Variants in ETFBKMT observed in about 807,000 individuals in gnomAD.
The protein encoded by ETFBKMT is electron transfer flavoprotein subunit beta lysine methyltransferase, also known as electron transfer flavoprotein beta subunit lysine methyltransferase.
A neutral mutation model predicts 18.3 loss-of-function variants in ETFBKMT; 13 were observed. The observed-to-expected ratio is 0.71, with a 90% CI of 0.46 to 1.13. ETFBKMT has a LOEUF of 1.13. Among genes scored for constraint, ETFBKMT ranks in the 50% most tolerant of loss-of-function variants. The pLI is 0.00. For missense variants in ETFBKMT, 293 were observed against 306.2 expected (o/e 0.96, Z 0.32); for synonymous variants, 84 against 107.9 (o/e 0.78, Z 1.37).
In ETFBKMT at chr12:31,669,599, G is replaced by A. The variant is rs971112157; in HGVS notation, c.*1609G>A. 5.9e-5 allele frequency: 9 copies of A among 152,210 alleles called. No individual in the cohort carries two copies. The highest frequency in any genetic ancestry group is 5.9e-4 in the Admixed American group (9 of 15,282). The allele number at this position is 152,210 out of a possible 1,614,324, so 9.4% of individuals were successfully genotyped here. On this transcript the variant is annotated 3_prime_UTR_variant, in exon 4 of 4. Transcript: ENST00000357721. ...GATTTTTCTCTGATCCTCACCCTGA[G>A]AACCTGGTAGGTATCCTGGAGGTAA...
upstream of ETFBKMT, among the ~76,000 whole-genome samples, chr12:31,657,791 CAAAAAA>C (rs777612236): frequency 6.5e-5 from 3 of 46,332 alleles, no homozygotes; most frequent in Non-Finnish European, 1.3e-4. Flanking sequence ...GACTTCATCT[CAAAAAA>C]AAAAAAAAAA....
chr12:31,652,255 T>G (rs760649812), intron 1 of ETFBKMT, among the ~76,000 whole-genome samples: 8 of 152,064 alleles, frequency 5.3e-5, no homozygotes, highest in African/African-American at 9.7e-5. Context: ...CTCTTTCCCT[T>G]CTCTTCTGCC....
In ETFBKMT at chr12:31,671,187, A is replaced by G. The variant is rs1032645254; in HGVS notation, c.*3197A>G. The stretch of plus-strand genomic sequence containing the variant: ...AAATTTTATTGAATTTGTCTTTAGA[A>G]AAATTTCATAGTTAGAACAGGCCTT... On this transcript the variant is annotated 3_prime_UTR_variant, in exon 4 of 4. Coordinates refer to ENST00000357721, the MANE Select transcript of ETFBKMT (RefSeq NM_001135863.2). The G allele has an allele frequency of 1.3e-5, 2 of 152,214 alleles. No individual in the cohort carries two copies. The highest frequency in any genetic ancestry group is 4.8e-5 in the African/African-American group (2 of 41,462). 9.4% of individuals were successfully genotyped at this position (152,214 alleles called of 1,614,324 possible).
rs1951256056 is a variant in ETFBKMT at position 31,670,832 on chromosome 12, A to G, written c.*2842A>G. The G allele has an allele frequency of 6.6e-6, 1 of 152,200 alleles. No individual in the cohort carries two copies. The highest frequency in any genetic ancestry group is 2.4e-5 in the African/African-American group (1 of 41,456). The allele number at this position is 152,200 out of a possible 1,614,324, so 9.4% of individuals were successfully genotyped here. On this transcript the variant is annotated 3_prime_UTR_variant, in exon 4 of 4. Transcript: ENST00000357721. ...GGATACAGCAATGAAAAAAAAAGAT[A>G]AATACTTTGTCCTTATGAAATTTGT...
intron 1 of ETFBKMT, among the ~76,000 whole-genome samples, chr12:31,652,154 T>C (rs1050795901): frequency 6.6e-6 from 1 of 152,174 alleles, no homozygotes; most frequent in Non-Finnish European, 1.5e-5. Context: ...TCAGACACCG[T>C]CTCCTCAGAC....
chr12:31,661,910 T>A lies in ETFBKMT; in HGVS notation c.-44T>A, dbSNP rs866709574. 1 of 1,568,466 alleles carries A rather than the reference T, an allele frequency of 6.4e-7. No individual in the cohort carries two copies. The highest frequency in any genetic ancestry group is 1.8e-5 in the Admixed American group (1 of 56,912). On this transcript the variant is annotated 5_prime_UTR_variant, in exon 2 of 4. Coordinates refer to ENST00000357721, the MANE Select transcript of ETFBKMT (RefSeq NM_001135863.2). The stretch of plus-strand genomic sequence containing the variant: ...TTCATTCTCCTTGAGAAGCAGCTAT[T>A]ATCAACAGAACATTGACAGAACCTG...
At chr12:31,663,170 G>A (rs1237555023) in intron 2 of ETFBKMT, among the ~76,000 whole-genome samples, 2 of 151,436 alleles carry the variant, frequency 1.3e-5, no homozygotes, top group African/African-American at 4.9e-5. Flanking sequence ...TCGGCTCACT[G>A]CAAGCCCCGC....
chr12:31,661,971 T>C lies in ETFBKMT; in HGVS notation c.18T>C (p.Gly6=). 6.2e-7 allele frequency: 1 copy of C among 1,613,914 alleles called. No homozygotes were observed. Among genetic ancestry groups the C allele is most frequent in the Non-Finnish European group, 8.5e-7 (1 of 1,179,908 alleles). The part of the protein sequence containing the change: MALSL[G]WKAHRNHCGL... ...AAGGACTGATGGCTTTGAGTCTAGG[T>C]TGGAAAGCACACAGGAACCACTGTG... Residue 6 remains glycine (G), a synonymous_variant, in exon 2 of 4, where the codon GGT becomes GGC. Coordinates refer to ENST00000357721, the MANE Select transcript of ETFBKMT (RefSeq NM_001135863.2).
At chr12:31,658,954 G>A (rs1451803169), upstream of ETFBKMT, among the ~76,000 whole-genome samples, 1 of 143,614 alleles carries the variant, frequency 7.0e-6, no homozygotes, top group Non-Finnish European at 1.5e-5. Context: ...TTAAATATAC[G>A]GTGTCTATTT....
chr12:31,663,260 T>G (rs1300558513), intron 2 of ETFBKMT, among the ~76,000 whole-genome samples: 2 of 152,056 alleles, frequency 1.3e-5, no homozygotes, highest in Non-Finnish European at 2.9e-5. Flanking sequence ...GCCCGGCTAA[T>G]TTTTGTATTT....
chr12:31,647,359 C>G (rs771478853), intron 1 of ETFBKMT: 1 of 152,274 alleles, frequency 6.6e-6, no homozygotes, highest in Admixed American at 6.5e-5. Context: ...TTCTCATTAC[C>G]GAGTCTACGT....
chr12:31,649,476 G>A lies in ETFBKMT; in HGVS notation c.-114+2221G>A, dbSNP rs565142026. Among the ~76,000 whole-genome samples, 268 of 152,144 alleles carry A rather than the reference G, an allele frequency of 1.8e-3. 1 individual carries two copies. The highest frequency in any genetic ancestry group is 5.9e-3 in the African/African-American group (244 of 41,516). On this transcript the variant is annotated intron_variant, in intron 1 of 3. Transcript: ENST00000412352. ...ATATTGTGAATTTTACAAATTGAAC[G>A]TTTGTGGTACCCCTGTGTCGGGCTA...
At chr12:31,655,095 T>TA (rs34577716), upstream of ETFBKMT, among the ~76,000 whole-genome samples, 28,639 of 131,892 alleles carry the variant, frequency 0.22, 2,956 homozygotes, top group African/African-American at 0.27. Context: ...AACAAAAAGA[T>TA]AAAAAAAAAA....
chr12:31,660,204 G>A (rs539557584), intron 1 of ETFBKMT: 1 of 146,028 alleles, frequency 6.8e-6, no homozygotes, highest in East Asian at 2.0e-4. Context: ...AAGCTAATGT[G>A]TCAATATCTA....
chr12:31,655,519 T>G (rs11051514), upstream of ETFBKMT, among the ~76,000 whole-genome samples: 9,091 of 152,256 alleles, frequency 0.06, 539 homozygotes, highest in East Asian at 0.27. Context: ...ACTGTGTCAA[T>G]TATAAGCCTT....
chr12:31,662,808 C>T (rs537544630), intron 2 of ETFBKMT, among the ~76,000 whole-genome samples: 3 of 152,216 alleles, frequency 2.0e-5, no homozygotes, highest in South Asian at 2.1e-4. Flanking sequence ...TAGTTCATAG[C>T]GCATGACCAT....
At chr12:31,657,576 G>A (rs936606732), upstream of ETFBKMT, among the ~76,000 whole-genome samples, 3 of 151,964 alleles carry the variant, frequency 2.0e-5, no homozygotes, top group Non-Finnish European at 4.4e-5. Context: ...GGCGGATCAC[G>A]AGGTCAAAAG....
upstream of ETFBKMT, among the ~76,000 whole-genome samples, chr12:31,655,028 C>T (rs796538879): frequency 2.6e-4 from 40 of 151,214 alleles, no homozygotes; most frequent in African/African-American, 9.0e-4. Flanking sequence ...TGCACTCCAG[C>T]CTGGGCGACA....
At chr12:31,655,245 G>T (rs1331466944), upstream of ETFBKMT, among the ~76,000 whole-genome samples, 1 of 152,066 alleles carries the variant, frequency 6.6e-6, no homozygotes, top group African/African-American at 2.4e-5. Context: ...TTATGCCAAA[G>T]GGAAAATTAA....
Sources: allele counts gnomAD v4.1 joint callset (sites outside exome capture counted in the v4.1 genomes callset), GRCh38; gene constraint gnomAD v4.1.1; transcripts MANE v1.5; gene names NCBI Gene and HGNC (gene_info 2026-07-23, HGNC 2026-07-21).